The following SEC22A variants were observed in gnomAD, a reference collection of about 807,000 sequenced individuals.
SEC22A encodes the protein SEC22 homolog A, vesicle trafficking protein.
SEC22A carries 22 observed loss-of-function variants against 35.3 expected under a neutral mutation model. The observed-to-expected ratio is 0.62, with a 90% confidence interval of 0.45 to 0.89. SEC22A has a LOEUF of 0.89. Ranked by LOEUF, SEC22A falls within the 40% of genes least tolerant of loss-of-function variation. The pLI is 0.00. For missense variants in SEC22A, 354 were observed against 362.5 expected (o/e 0.98, Z 0.19); for synonymous variants, 119 against 129.5 (o/e 0.92, Z 0.55).
chr3:123,256,569 G>A (rs1330918930), intron 5 of SEC22A, among the ~76,000 whole-genome samples: 1 of 151,990 alleles, frequency 6.6e-6, no homozygotes, highest in East Asian at 1.9e-4. Context: ...CTCCATCTAG[G>A]AAGTCTTCCC....
At chr3:123,259,750 G>C (rs1312300740) in intron 6 of SEC22A, among the ~76,000 whole-genome samples, 161 bp downstream of exon 6, 1 of 152,124 alleles carries the variant, frequency 6.6e-6, no homozygotes, top group African/African-American at 2.4e-5. Flanking sequence ...TCTCCATTTT[G>C]AGTAGACATA....
At chr3:123,225,015 C>G in intron 3 of SEC22A, 88 bp from the exon 4 acceptor site, 1 of 810,924 alleles carries the variant, frequency 1.2e-6, no homozygotes, top group Non-Finnish European at 1.9e-6. Context: ...AATAAACTAC[C>G]TGTAATATTT....
chr3:123,237,398 A>G (rs1408538661), intron 4 of SEC22A, among the ~76,000 whole-genome samples: 1 of 152,256 alleles, frequency 6.6e-6, no homozygotes, highest in Non-Finnish European at 1.5e-5. Context: ...GAAAAAGCAC[A>G]TGCAGTTGAA....
At position 123,271,882 on chromosome 3, in the gene SEC22A, T is replaced by TGGAAGACCTGCTA. The variant is rs1938175691; in HGVS notation, c.*166_*167insCCTGCTAGGAAGA. ...AATCAGCATGATGTGCCTGTGAGCA[T>TGGAAGACCTGCTA]GGAAGAGTCCTCTCAGAAGAATGTT... is the stretch of plus-strand genomic sequence containing the variant. On this transcript the variant is annotated 3_prime_UTR_variant, in exon 7 of 7. Transcript: ENST00000492595. 1 of 595,336 alleles carries TGGAAGACCTGCTA rather than the reference T, an allele frequency of 1.7e-6. No individual in the cohort carries two copies. The highest frequency in any genetic ancestry group is 2.9e-6 in the Non-Finnish European group (1 of 345,982). The allele number at this position is 595,336 out of a possible 1,614,324, so 36.9% of individuals were successfully genotyped here. A position where few individuals can be genotyped will look rare whatever the true frequency, so the allele number is the denominator to read the frequency against.
chr3:123,249,173 T>C (rs559336350), intron 5 of SEC22A, among the ~76,000 whole-genome samples: 12 of 152,324 alleles, frequency 7.9e-5, no homozygotes, highest in African/African-American at 2.9e-4. Flanking sequence ...GAAAGAGTCC[T>C]GAGCACAGGA....
At chr3:123,259,387 A>G in intron 5 of SEC22A, 137 bp from the exon 6 acceptor site, 1 of 627,792 alleles carries the variant, frequency 1.6e-6, no homozygotes, top group South Asian at 2.1e-5. Context: ...TCATTTTAGG[A>G]CTCTTGAGAA....
chr3:123,246,883 T>C (rs1393856975), intron 5 of SEC22A, among the ~76,000 whole-genome samples: 4 of 152,220 alleles, frequency 2.6e-5, no homozygotes, highest in Non-Finnish European at 5.9e-5. Context: ...TGGGGAACCC[T>C]CAGAGGGTAT....
intron 6 of SEC22A, among the ~76,000 whole-genome samples, chr3:123,260,416 G>A (rs538179155): frequency 1.3e-5 from 2 of 152,122 alleles, no homozygotes; most frequent in Non-Finnish European, 2.9e-5. Context: ...TAATGGCAGT[G>A]AGGATAGAAA....
intron 4 of SEC22A, among the ~76,000 whole-genome samples, chr3:123,236,715 TACA>T (rs1343790821): frequency 2.0e-5 from 3 of 152,152 alleles, no homozygotes; most frequent in East Asian, 1.9e-4. Flanking sequence ...AAATTATGTC[TACA>T]ACAAGATTTT....
At chr3:123,255,691 C>A (rs1403411185) in intron 5 of SEC22A, among the ~76,000 whole-genome samples, 6 of 152,052 alleles carry the variant, frequency 3.9e-5, no homozygotes, top group Non-Finnish European at 8.8e-5. Flanking sequence ...ATACTCAATA[C>A]TAATTTGCAT....
intron 4 of SEC22A, among the ~76,000 whole-genome samples, chr3:123,244,914 G>T (rs1937554526): frequency 6.6e-6 from 1 of 152,170 alleles, no homozygotes; most frequent in East Asian, 1.9e-4. Context: ...AGCGTAAGAT[G>T]ATGATGAAGG....
At chr3:123,221,297 C>T (rs1227467523) in intron 2 of SEC22A, among the ~76,000 whole-genome samples, 1 of 151,292 alleles carries the variant, frequency 6.6e-6, no homozygotes. Context: ...ATGGTAAAAC[C>T]CCATCTCTAC....
chr3:123,219,969 A>C (rs900085550), intron 2 of SEC22A, among the ~76,000 whole-genome samples: 1 of 152,216 alleles, frequency 6.6e-6, no homozygotes, highest in African/African-American at 2.4e-5. Flanking sequence ...AACTAAATTT[A>C]CTATGAAAAG....
intron 6 of SEC22A, among the ~76,000 whole-genome samples, chr3:123,267,262 G>A (rs542707952): frequency 4.0e-5 from 6 of 150,592 alleles, no homozygotes; most frequent in Middle Eastern, 3.4e-3. Flanking sequence ...TTATGGATAT[G>A]TTAGGACTTT....
At chr3:123,244,686 G>A (rs1937552328) in intron 4 of SEC22A, among the ~76,000 whole-genome samples, 1 of 152,106 alleles carries the variant, frequency 6.6e-6, no homozygotes, top group Non-Finnish European at 1.5e-5. Context: ...AAGATGTTCT[G>A]CTATAATGGC....
chr3:123,212,736 A>G (rs1559751196), intron 2 of SEC22A, among the ~76,000 whole-genome samples: 2 of 152,150 alleles, frequency 1.3e-5, no homozygotes, highest in African/African-American at 4.8e-5. Context: ...AAAAAATTCA[A>G]GGGGCCAAGT....
chr3:123,254,190 CT>C (rs1176080422), intron 5 of SEC22A, among the ~76,000 whole-genome samples: 8 of 150,932 alleles, frequency 5.3e-5, no homozygotes, highest in Non-Finnish European at 8.9e-5. Flanking sequence ...TCATCCTCAT[CT>C]TTTTTTTTCT....
intron 5 of SEC22A, among the ~76,000 whole-genome samples, chr3:123,249,794 G>A (rs1937595999): frequency 6.6e-6 from 1 of 152,082 alleles, no homozygotes; most frequent in Non-Finnish European, 1.5e-5. Flanking sequence ...AAAGTGCTGG[G>A]ATTACAGGTG....
At chr3:123,244,285 G>T (rs1204531989) in intron 4 of SEC22A, among the ~76,000 whole-genome samples, 1 of 152,204 alleles carries the variant, frequency 6.6e-6, no homozygotes, top group African/African-American at 2.4e-5. Flanking sequence ...GGAAGTGGGT[G>T]GGGGCGGAAG....
Sources: gnomAD v4.1 joint callset for allele counts (sites outside exome capture counted in the v4.1 genomes callset) on GRCh38, gnomAD v4.1.1 for gene constraint, MANE v1.5 for transcripts, NCBI Gene and HGNC (gene_info 2026-07-23, HGNC 2026-07-21) for gene names.